The following SLC13A3 variants were observed in gnomAD, a reference collection of about 807,000 sequenced individuals.
The protein encoded by SLC13A3 is Na(+)/dicarboxylate cotransporter 3.
SLC13A3 carries 40 observed loss-of-function variants against 59.0 expected under a neutral mutation model. The observed-to-expected ratio is 0.68, with a 90% CI of 0.53 to 0.88. The LOEUF (loss-of-function observed/expected upper bound fraction) is 0.88. Among genes scored for constraint, SLC13A3 ranks in the 40% least tolerant of loss-of-function variants. The pLI is 0.00. For missense variants in SLC13A3, 699 were observed against 783.2 expected (o/e 0.89, Z 1.28); for synonymous variants, 317 against 330.3 (o/e 0.96, Z 0.44).
chr20:46,684,124 G>C (rs949951571), intron 1 of SLC13A3, among the ~76,000 whole-genome samples: 1 of 152,108 alleles, frequency 6.6e-6, no homozygotes, highest in East Asian at 1.9e-4. Context: ...CCTTGCTGTC[G>C]GGGATGTTTC....
At chr20:46,657,659 G>A (rs2063003385) in intron 1 of SLC13A3, among the ~76,000 whole-genome samples, 1 of 152,058 alleles carries the variant, frequency 6.6e-6, no homozygotes, top group Admixed American at 6.6e-5. Flanking sequence ...ATGTGAGGCT[G>A]AGTAATTTAT....
chr20:46,600,261 GAAAGGAAAGGA>G (rs2062359987), intron 3 of SLC13A3, among the ~76,000 whole-genome samples: 1 of 135,672 alleles, frequency 7.4e-6, no homozygotes, highest in African/African-American at 2.8e-5. Flanking sequence ...AGGAAGGAAG[GAAAGGAAAGGA>G]AAGGAAAGGA....
Position 46,639,827 on chromosome 20 carries a change from C to T in SLC13A3, c.111+11484G>A, listed in dbSNP as rs57351331. ...CAAATGGCTTAATCTCTCTGAGCCT[C>T]AACTTCCTCATCTGTAAAATGGGTC... On this transcript the variant is annotated intron_variant, in intron 1 of 12. Coordinates refer to ENST00000279027, the MANE Select transcript of SLC13A3 (RefSeq NM_022829.6). Among the ~76,000 whole-genome samples, 492 of 152,330 alleles carry T rather than the reference C, an allele frequency of 3.2e-3. 5 individuals carry two copies. Among genetic ancestry groups the T allele is most frequent in the African/African-American group, 0.011 (471 of 41,578 alleles).
intron 1 of SLC13A3, among the ~76,000 whole-genome samples, chr20:46,639,975 G>A (rs1235170458): frequency 2.0e-5 from 3 of 152,124 alleles, no homozygotes; most frequent in South Asian, 2.1e-4. Flanking sequence ...GGAACCACTC[G>A]GTGCCTCAGT....
At chr20:46,612,110 TCTCTCTCTCTTTGC>T (rs2062503364) in intron 2 of SLC13A3, among the ~76,000 whole-genome samples, 2 of 144,358 alleles carry the variant, frequency 1.4e-5, no homozygotes, top group Non-Finnish European at 3.0e-5. Context: ...TTTCTCTCTT[TCTCTCTCTCTTTGC>T]TTTTTTTTTT....
chr20:46,655,012 C>T (rs541894061), upstream of SLC13A3, among the ~76,000 whole-genome samples: 1 of 152,146 alleles, frequency 6.6e-6, no homozygotes, highest in South Asian at 2.1e-4. Context: ...TCCATGGTCT[C>T]TGGTGAAAAA....
chr20:46,617,640 G>C (rs1277832414), intron 1 of SLC13A3, among the ~76,000 whole-genome samples: 1 of 151,792 alleles, frequency 6.6e-6, no homozygotes, highest in African/African-American at 2.4e-5. Flanking sequence ...ATTAAGGTCT[G>C]TATTTAATAA....
chr20:46,671,249 C>T (rs1422790569), upstream of SLC13A3, among the ~76,000 whole-genome samples: 1 of 152,156 alleles, frequency 6.6e-6, no homozygotes. Flanking sequence ...TCCCAGCCTC[C>T]TCACCCCAAT....
intron 1 of SLC13A3, among the ~76,000 whole-genome samples, chr20:46,668,491 G>A (rs989571684): frequency 6.6e-6 from 1 of 152,216 alleles, no homozygotes; most frequent in Non-Finnish European, 1.5e-5. Flanking sequence ...TGAGAGAGGT[G>A]AGGAAGCTGC....
At position 46,651,401 on chromosome 20, in the gene SLC13A3, C is replaced by T. The variant is rs761335081; in HGVS notation, c.21G>A (p.Ala7=). 1.3e-6 allele frequency: 2 copies of T among 1,494,916 alleles called. No homozygotes were observed. The highest frequency in any genetic ancestry group is 2.5e-5 in the South Asian group (2 of 78,890). 92.6% of individuals were successfully genotyped at this position (1,494,916 alleles called of 1,614,324 possible). MAALAA[A]AKKVWSARRL... is the part of the protein sequence containing the mutation. ...GCCGCGCGCTCCACACCTTCTTGGCCGCTGCTGCCAGCGCCGCCATCAGCG... is the reference window on the plus strand; with the variant it reads ...GCCGCGCGCTCCACACCTTCTTGGCTGCTGCTGCCAGCGCCGCCATCAGCG... Residue 7 remains alanine (A), a synonymous_variant, in exon 1 of 13, where the codon GCG becomes GCA. Transcript: ENST00000279027.
chr20:46,602,685 ATTAG>A (rs1217543473), intron 3 of SLC13A3, among the ~76,000 whole-genome samples: 1 of 152,184 alleles, frequency 6.6e-6, no homozygotes, highest in Admixed American at 6.5e-5. Flanking sequence ...ACTGGCGTCT[ATTAG>A]TTAGAGACCA....
At chr20:46,664,296 G>A (rs973547009) in intron 1 of SLC13A3, among the ~76,000 whole-genome samples, 4 of 152,176 alleles carry the variant, frequency 2.6e-5, no homozygotes, top group African/African-American at 9.7e-5. Flanking sequence ...ATCACATCAC[G>A]TCTAAAGGCT....
chr20:46,637,526 C>A (rs1327229367), intron 1 of SLC13A3, among the ~76,000 whole-genome samples: 4 of 152,146 alleles, frequency 2.6e-5, no homozygotes, highest in Non-Finnish European at 4.4e-5. Flanking sequence ...GATTCAAGAA[C>A]AAACCTCATC....
intron 1 of SLC13A3, among the ~76,000 whole-genome samples, chr20:46,633,667 G>C (rs181847856): frequency 1.4e-3 from 211 of 152,296 alleles, no homozygotes; most frequent in Admixed American, 3.6e-3. Flanking sequence ...ACACTGTTTG[G>C]CAATTCCCTT....
chr20:46,568,392 A>T (rs897203070), intron 10 of SLC13A3, among the ~76,000 whole-genome samples: 6 of 118,044 alleles, frequency 5.1e-5, no homozygotes, highest in Non-Finnish European at 1.0e-4. Context: ...AGAGAGCGAG[A>T]CTCCATCTCA....
chr20:46,559,670 G>T lies in SLC13A3; in HGVS notation c.*352C>A, dbSNP rs974957775. On this transcript the variant is annotated 3_prime_UTR_variant, in exon 13 of 13. Transcript: ENST00000279027. ...GGGATAATGTTAGCTGTGCCCATGGGAATGAATGGCCTCCTATCCCAACTG... is the reference window on the plus strand; with the variant it reads ...GGGATAATGTTAGCTGTGCCCATGGTAATGAATGGCCTCCTATCCCAACTG... 2 of 195,362 alleles carry T rather than the reference G, an allele frequency of 1.0e-5. No individual in the cohort carries two copies. Among genetic ancestry groups the T allele is most frequent in the African/African-American group, 2.3e-5 (1 of 43,202 alleles). 12.1% of individuals were successfully genotyped at this position (195,362 alleles called of 1,614,324 possible). A position where few individuals can be genotyped will look rare whatever the true frequency, so the allele number is the denominator to read the frequency against.
chr20:46,622,628 G>A (rs1454688305), intron 1 of SLC13A3, among the ~76,000 whole-genome samples: 2 of 32,616 alleles, frequency 6.1e-5, no homozygotes, highest in Admixed American at 3.7e-4. Context: ...GTGCGTGTGT[G>A]TGTGTGTGTG....
chr20:46,598,169 G>A (rs2122700532), intron 4 of SLC13A3, among the ~76,000 whole-genome samples: 1 of 152,214 alleles, frequency 6.6e-6, no homozygotes, highest in South Asian at 2.1e-4. Context: ...ATACCCTCTG[G>A]CCTGAATCAC....
intron 11 of SLC13A3, among the ~76,000 whole-genome samples, 191 bp from the exon 12 acceptor site, chr20:46,563,742 G>A (rs924603908): frequency 6.6e-6 from 1 of 152,184 alleles, no homozygotes; most frequent in Non-Finnish European, 1.5e-5. Flanking sequence ...GAGAGTTAGA[G>A]AGACAGAGAG....
Sources: allele counts gnomAD v4.1 joint callset (sites outside exome capture counted in the v4.1 genomes callset), GRCh38; gene constraint gnomAD v4.1.1; transcripts MANE v1.5; gene names NCBI Gene and HGNC (gene_info 2026-07-23, HGNC 2026-07-21).